The following CLOCK variants were observed in gnomAD, a reference collection of about 807,000 sequenced individuals.
CLOCK encodes the protein circadian locomoter output cycles protein kaput.
Under a neutral mutation model 118.4 loss-of-function variants are expected in CLOCK, and 43 were observed. The ratio of observed to expected loss-of-function variants is 0.36; its 90% CI spans 0.28 to 0.47. The LOEUF (loss-of-function observed/expected upper bound fraction) is 0.47, where lower values mean the gene tolerates loss of function less well. Ranked by LOEUF, CLOCK falls within the 20% of genes least tolerant of loss-of-function variation. The pLI is 1.00. For synonymous variants in CLOCK, 326 were observed against 339.2 expected (o/e 0.96, Z 0.43); for missense variants, 846 against 999.9 (o/e 0.85, Z 2.08).
chr4:55,472,338 T>C (rs1258735547), intron 7 of CLOCK, among the ~76,000 whole-genome samples: 2 of 152,100 alleles, frequency 1.3e-5, no homozygotes, highest in Non-Finnish European at 2.9e-5. Flanking sequence ...TTCATGAACT[T>C]TAGAAGGGAA....
At chr4:55,521,969 G>C (rs1729872695) in intron 1 of CLOCK, among the ~76,000 whole-genome samples, 1 of 152,098 alleles carries the variant, frequency 6.6e-6, no homozygotes, top group Non-Finnish European at 1.5e-5. Flanking sequence ...AACAGAGATA[G>C]AGAGATCACA....
At position 55,479,648 on chromosome 4, in the gene CLOCK, TTTGTCC is replaced by T; in HGVS notation, c.93_98del (p.Asp32_Lys33del). 6.2e-7 allele frequency: 1 copy of T among 1,611,686 alleles called. No individual in the cohort carries two copies. The highest frequency in any genetic ancestry group is 8.5e-7 in the Non-Finnish European group (1 of 1,178,218). On this transcript the variant is annotated inframe_deletion, in exon 5 of 23. Coordinates refer to ENST00000513440, the MANE Select transcript of CLOCK (RefSeq NM_004898.4). Reference sequence around the variant, plus strand: ...ATCTCTAATCAAACTACCTTTTCGCTTTGTCCTTGTCATCTTCTTCCACCAACCCAT... The same window carrying T: ...ATCTCTAATCAAACTACCTTTTCGCTTTGTCATCTTCTTCCACCAACCCAT...
At chr4:55,495,857 T>C (rs1420823661) in intron 2 of CLOCK, among the ~76,000 whole-genome samples, 1 of 151,278 alleles carries the variant, frequency 6.6e-6, no homozygotes, top group Admixed American at 6.6e-5. Flanking sequence ...GTGATCCACC[T>C]GATGCAAAAA....
chr4:55,435,684 C>T, intron 22 of CLOCK, 90 bp from the exon 23 acceptor site: 1 of 1,337,102 alleles, frequency 7.5e-7, no homozygotes, highest in Non-Finnish European at 1.1e-6. Flanking sequence ...TCCATAGGGA[C>T]AAAATCCTTA....
intron 8 of CLOCK, among the ~76,000 whole-genome samples, chr4:55,467,278 A>G (rs1725797383): frequency 6.6e-6 from 1 of 152,204 alleles, no homozygotes; most frequent in Non-Finnish European, 1.5e-5. Flanking sequence ...CAAATCAAGT[A>G]GCACACTCAT....
At chr4:55,503,164 T>C (rs770695072) in intron 2 of CLOCK, among the ~76,000 whole-genome samples, 4 of 152,142 alleles carry the variant, frequency 2.6e-5, no homozygotes, top group Non-Finnish European at 2.9e-5. Flanking sequence ...TCAACAGAAA[T>C]GTGTACACAT....
chr4:55,442,550 T>C lies in CLOCK; in HGVS notation c.1987A>G (p.Asn663Asp). 3.7e-6 allele frequency: 6 copies of C among 1,611,534 alleles called. No individual in the cohort carries two copies. The highest frequency in any genetic ancestry group is 5.1e-6 in the Non-Finnish European group (6 of 1,179,628). The change falls in exon 21 of 23, where the codon AAC becomes GAC. Residue 663 changes from asparagine (N) to aspartate (D), a missense_variant. By Grantham distance (23) the Asn-to-Asp change is conservative (BLOSUM62 1). Coordinates refer to ENST00000513440, the MANE Select transcript of CLOCK (RefSeq NM_004898.4). ...TQSTLTAPLY[N>D]TMVISQPAAG... The stretch of plus-strand genomic sequence containing the variant: ...GCAGGCTGAGAAATCACCATAGTGT[T>C]ATACAGTGGGGCTGTAAGAGTGCTC...
At chr4:55,506,479 G>A (rs1047412439) in intron 2 of CLOCK, among the ~76,000 whole-genome samples, 2 of 151,942 alleles carry the variant, frequency 1.3e-5, no homozygotes, top group African/African-American at 2.4e-5. Flanking sequence ...TAAGAGCTGC[G>A]AAAAGTTCAG....
chr4:55,497,946 G>A (rs1402896968), intron 2 of CLOCK, among the ~76,000 whole-genome samples: 18 of 150,718 alleles, frequency 1.2e-4, no homozygotes, highest in Non-Finnish European at 1.3e-4. Context: ...ATAGATTTCT[G>A]AGATGGATCT....
At chr4:55,544,801 C>T (rs1047019776) in intron 1 of CLOCK, among the ~76,000 whole-genome samples, 1 of 152,152 alleles carries the variant, frequency 6.6e-6, no homozygotes, top group Admixed American at 6.5e-5. Context: ...TTCTCCCTCT[C>T]CTCTATTGTT....
chr4:55,448,769 C>A lies in CLOCK; in HGVS notation c.1539+10G>T, dbSNP rs1560421604. Reference sequence around the variant, plus strand: ...TCAAATACGCAACTGAAACAAAAACCAAAAAGTACCTGGGACATGCCTTGT... The same window carrying A: ...TCAAATACGCAACTGAAACAAAAACAAAAAAGTACCTGGGACATGCCTTGT... On this transcript the variant is annotated intron_variant, in intron 18 of 22. Coordinates refer to ENST00000513440, the MANE Select transcript of CLOCK (RefSeq NM_004898.4). 6.2e-7 allele frequency: 1 copy of A among 1,611,390 alleles called. No homozygotes were observed. Among genetic ancestry groups the A allele is most frequent in the East Asian group, 2.2e-5 (1 of 44,788 alleles).
intron 15 of CLOCK, 63 bp downstream of exon 15, chr4:55,452,991 T>C (rs185710720): frequency 1.3e-5 from 15 of 1,142,858 alleles, no homozygotes; most frequent in African/African-American, 3.2e-5. Context: ...CTATTAATTA[T>C]TGAGTTTCAT....
chr4:55,521,692 G>A (rs1293036369), intron 1 of CLOCK, among the ~76,000 whole-genome samples: 2 of 152,202 alleles, frequency 1.3e-5, no homozygotes, highest in East Asian at 3.8e-4. Flanking sequence ...ACATACTTGA[G>A]CAAATTATTC....
chr4:55,509,704 C>T (rs1729021367), intron 2 of CLOCK, among the ~76,000 whole-genome samples: 1 of 152,188 alleles, frequency 6.6e-6, no homozygotes, highest in African/African-American at 2.4e-5. Flanking sequence ...TGCTAAAATA[C>T]TTTACATCTG....
At chr4:55,519,686 G>T (rs1383143746) in intron 1 of CLOCK, among the ~76,000 whole-genome samples, 1 of 152,092 alleles carries the variant, frequency 6.6e-6, no homozygotes, top group Non-Finnish European at 1.5e-5. Context: ...GCTGAGGCAG[G>T]AGAACCAATT....
At chr4:55,520,420 T>C (rs1413836331) in intron 1 of CLOCK, among the ~76,000 whole-genome samples, 1 of 152,166 alleles carries the variant, frequency 6.6e-6, no homozygotes, top group African/African-American at 2.4e-5. Context: ...TTTCCCCTAA[T>C]ATGCAGATGA....
intron 1 of CLOCK, among the ~76,000 whole-genome samples, chr4:55,521,702 C>A (rs111950865): frequency 2.0e-5 from 3 of 152,318 alleles, no homozygotes; most frequent in African/African-American, 7.2e-5. Context: ...GCAAATTATT[C>A]ACTTTGCTTG....
At chr4:55,466,138 C>G (rs1725723571) in intron 8 of CLOCK, among the ~76,000 whole-genome samples, 1 of 152,124 alleles carries the variant, frequency 6.6e-6, no homozygotes, top group African/African-American at 2.4e-5. Flanking sequence ...ATGGGAGGGG[C>G]TGAGTGGGAG....
At chr4:55,498,204 C>A (rs1222106943) in intron 2 of CLOCK, among the ~76,000 whole-genome samples, 4 of 152,100 alleles carry the variant, frequency 2.6e-5, no homozygotes, top group Admixed American at 1.3e-4. Flanking sequence ...TAAAACACCA[C>A]CAAAAAATGC....
Sources: gnomAD v4.1 joint callset for allele counts (sites outside exome capture counted in the v4.1 genomes callset) on GRCh38, gnomAD v4.1.1 for gene constraint, MANE v1.5 for transcripts, NCBI Gene and HGNC (gene_info 2026-07-23, HGNC 2026-07-21) for gene names.